Variants in DMXL1 observed in about 807,000 individuals in gnomAD.
The protein encoded by DMXL1 is dmX-like protein 1.
In DMXL1, 99 loss-of-function variants were observed where a neutral mutation model predicts 319.2. The observed-to-expected ratio is 0.31, with a 90% confidence interval of 0.26 to 0.37. The LOEUF (loss-of-function observed/expected upper bound fraction) is 0.37, where lower values mean the gene tolerates loss of function less well. Ranked by LOEUF, DMXL1 falls within the 10% of genes least tolerant of loss-of-function variation. The pLI is 1.00. For missense variants in DMXL1, 3,745 were observed against 3,595.6 expected (o/e 1.04, Z -1.06); for synonymous variants, 1,385 against 1,235.2 (o/e 1.12, Z -2.54).
At chr5:119,231,608 AT>A (rs1786740211) in intron 38 of DMXL1, among the ~76,000 whole-genome samples, 1 of 152,220 alleles carries the variant, frequency 6.6e-6, no homozygotes, top group East Asian at 1.9e-4. Flanking sequence ...CTCTTAAAAC[AT>A]AGGTACATTA....
chr5:119,197,709 G>A, intron 31 of DMXL1, 46 bp from the exon 32 acceptor site: 2 of 1,549,798 alleles, frequency 1.3e-6, no homozygotes, highest in Admixed American at 1.7e-5. Context: ...ATTGAATATG[G>A]CATTTTACTG....
rs1769341502 is a variant in DMXL1 at position 119,149,695 on chromosome 5, G to T, written c.3868G>T (p.Ala1290Ser). The change falls in exon 18 of 44, where the codon GCA becomes TCA. Residue 1290 changes from alanine (A) to serine (S), a missense_variant. By Grantham distance (99) the Ala-to-Ser change is moderately conservative (BLOSUM62 1). Around this residue, in one of 4 missense-constraint regions of DMXL1, gnomAD observed 2,096 missense variants for 1,985.4 expected, o/e 1.06. Transcript: ENST00000539542. ...TCTGACTCGATCCATGACCAGTCTT[G>T]CACAGAAAATCTGTGGAAAGAAAAC... is the stretch of plus-strand genomic sequence containing the variant. ...KTLTRSMTSL[A>S]QKICGKKTAF... The T allele has an allele frequency of 3.1e-6, 5 of 1,613,880 alleles. No homozygotes were observed. The highest frequency in any genetic ancestry group is 4.2e-6 in the Non-Finnish European group (5 of 1,179,936).
At chr5:119,192,463 C>G (rs1348435326) in intron 29 of DMXL1, among the ~76,000 whole-genome samples, 3 of 152,176 alleles carry the variant, frequency 2.0e-5, no homozygotes, top group African/African-American at 7.2e-5. Flanking sequence ...TGTTCCCACT[C>G]ACATTCAGCT....
chr5:119,201,210 T>C (rs1422712634), intron 32 of DMXL1, among the ~76,000 whole-genome samples: 1 of 152,232 alleles, frequency 6.6e-6, no homozygotes, highest in Non-Finnish European at 1.5e-5. Context: ...GGGTTTGTCA[T>C]AGATGGCTCT....
At chr5:119,240,917 C>G (rs1036879868) in intron 42 of DMXL1, among the ~76,000 whole-genome samples, 12 of 152,056 alleles carry the variant, frequency 7.9e-5, no homozygotes, top group Non-Finnish European at 1.6e-4. Flanking sequence ...CCCAAAGAAT[C>G]TACAAAATAA....
intron 5 of DMXL1, among the ~76,000 whole-genome samples, chr5:119,110,674 G>A (rs1484690641): frequency 6.6e-6 from 1 of 152,120 alleles, no homozygotes; most frequent in African/African-American, 2.4e-5. Context: ...ATTAAGCATA[G>A]TTCTAAACTC....
chr5:119,095,709 A>G (rs868242581), intron 1 of DMXL1, among the ~76,000 whole-genome samples: 3 of 152,234 alleles, frequency 2.0e-5, no homozygotes, highest in Non-Finnish European at 2.9e-5. Context: ...GAGAAAAATT[A>G]GTTTCTAAAT....
intron 2 of DMXL1, among the ~76,000 whole-genome samples, chr5:119,099,266 A>G (rs911267327): frequency 6.6e-6 from 1 of 151,760 alleles, no homozygotes; most frequent in Non-Finnish European, 1.5e-5. Flanking sequence ...GCTGGAGTGC[A>G]GTGGTGCAAT....
At chr5:119,078,304 A>G (rs962572675) in intron 1 of DMXL1, among the ~76,000 whole-genome samples, 1 of 151,948 alleles carries the variant, frequency 6.6e-6, no homozygotes, top group African/African-American at 2.4e-5. Flanking sequence ...TATTTTCACA[A>G]ACTTTCTAGT....
At chr5:119,187,904 C>T (rs1346938241) in intron 28 of DMXL1, among the ~76,000 whole-genome samples, 1 of 152,222 alleles carries the variant, frequency 6.6e-6, no homozygotes, top group Admixed American at 6.5e-5. Context: ...GATCTGCCCA[C>T]CTCTGCCTCC....
At chr5:119,244,726 G>T in intron 43 of DMXL1, 150 bp downstream of exon 43, 1 of 545,240 alleles carries the variant, frequency 1.8e-6, no homozygotes, top group South Asian at 3.8e-5. Context: ...ATCTTTCAAT[G>T]AATGGAATAT....
rs370791752 is a variant in DMXL1 at position 119,090,624 on chromosome 5, G to A, written c.88-7355G>A. 6.1e-5 allele frequency among the ~76,000 whole-genome samples: 9 copies of A among 148,026 alleles called. No individual in the cohort carries two copies. In the East Asian group the frequency reaches 1.0e-3, roughly 16 times the overall value. ...TTTGCCCAGGCTGGGGTGCAATGGC[G>A]CGATCTCGGCTCACCGCAACCTCTG... On this transcript the variant is annotated intron_variant, in intron 1 of 43. Coordinates refer to ENST00000539542, the MANE Select transcript of DMXL1 (RefSeq NM_001290321.3).
At chr5:119,127,997 A>G (rs993851885) in intron 9 of DMXL1, 5 of 409,514 alleles carry the variant, frequency 1.2e-5, no homozygotes, top group South Asian at 8.3e-5. Context: ...GCACCCTGTT[A>G]TGAGGCATCT....
chr5:119,076,915 C>T (rs1751007960), intron 1 of DMXL1, among the ~76,000 whole-genome samples: 1 of 152,108 alleles, frequency 6.6e-6, no homozygotes, highest in Non-Finnish European at 1.5e-5. Context: ...GTTGATAAAC[C>T]TAATGTTGTA....
At chr5:119,118,669 T>A in intron 7 of DMXL1, 146 bp from the exon 8 acceptor site, 1 of 540,618 alleles carries the variant, frequency 1.8e-6, no homozygotes, top group Non-Finnish European at 3.2e-6. Context: ...TTGGCAAGCA[T>A]TTGCTGTGAT....
At chr5:119,215,947 T>C (rs1389438871) in intron 34 of DMXL1, among the ~76,000 whole-genome samples, 1 of 151,666 alleles carries the variant, frequency 6.6e-6, no homozygotes, top group Non-Finnish European at 1.5e-5. Context: ...AATACAAAAC[T>C]TAGCCCGGTG....
In DMXL1 at chr5:119,170,931, G is replaced by A; in HGVS notation, c.6140G>A (p.Gly2047Asp). The change falls in exon 24 of 44, where the codon GGC becomes GAC. Residue 2047 changes from glycine (G) to aspartate (D), a missense_variant. This residue lies in a region of DMXL1 where 1,382 missense variants were observed against 1,269.5 expected (regional missense o/e 1.09). Coordinates refer to ENST00000539542, the MANE Select transcript of DMXL1 (RefSeq NM_001290321.3). Reference protein sequence around the residue: ...LTVELRTLSTGYEIDGGKLRY... With the variant: ...LTVELRTLSTDYEIDGGKLRY... Reference sequence around the variant, plus strand: ...GTAGAACTTCGTACTTTATCTACTGGCTATGAAATAGATGGTGGAAAATTG... The same window carrying A: ...GTAGAACTTCGTACTTTATCTACTGACTATGAAATAGATGGTGGAAAATTG... 6.2e-7 allele frequency: 1 copy of A among 1,613,478 alleles called. No individual in the cohort carries two copies. Among genetic ancestry groups the A allele is most frequent in the Non-Finnish European group, 8.5e-7 (1 of 1,179,864 alleles).
rs1254989654 is a variant in DMXL1 at position 119,216,940 on chromosome 5, A to G, written c.7966A>G (p.Ile2656Val). ...GGGATATCCTGGAGGTAAAGCAAGA[A>G]TTATTCATAAGGAATCTGATATCAT... ...DLGYPGGKAR[I>V]IHKESDIITA... Residue 2656 changes from isoleucine to valine, a missense_variant, in exon 35 of 44, where the codon ATT becomes GTT. Ile to Val is a conservative substitution (Grantham distance 29). This residue lies in a region of DMXL1 where 1,382 missense variants were observed against 1,269.5 expected (regional missense o/e 1.09). Coordinates refer to ENST00000539542, the MANE Select transcript of DMXL1 (RefSeq NM_001290321.3). 1 of 1,602,476 alleles carries G rather than the reference A, an allele frequency of 6.2e-7. No homozygotes were observed. The highest frequency in any genetic ancestry group is 8.5e-7 in the Non-Finnish European group (1 of 1,174,902).
At position 119,164,651 on chromosome 5, in the gene DMXL1, G is replaced by A. The variant is rs372431475; in HGVS notation, c.4847G>A (p.Arg1616His). Residue 1616 changes from arginine to histidine, a missense_variant, in exon 20 of 44, where the codon CGC becomes CAC. Transcript: ENST00000539542. ...GTGGGGTGGTGGGTCCGGAATACCC[G>A]CATCTTACGCAAATGCATAGAAAAA... ...MGVGWWVRNT[R>H]ILRKCIEKVA... 8.9e-5 allele frequency: 142 copies of A among 1,600,290 alleles called. No individual in the cohort carries two copies. The highest frequency in any genetic ancestry group is 1.7e-4 in the Middle Eastern group (1 of 6,034).
Sources: allele counts gnomAD v4.1 joint callset (sites outside exome capture counted in the v4.1 genomes callset), GRCh38; gene constraint gnomAD v4.1.1; regional missense constraint gnomAD v4.1.1; transcripts MANE v1.5; gene names NCBI Gene and HGNC (gene_info 2026-07-23, HGNC 2026-07-21).